The following TSKU variants were observed in gnomAD, a reference collection of about 807,000 sequenced individuals.
TSKU encodes the protein tsukushi, small leucine rich proteoglycan.
Under a neutral mutation model 11.2 loss-of-function variants are expected in TSKU, and 4 were observed. The observed-to-expected ratio is 0.36, with a 90% CI of 0.18 to 0.82. The LOEUF (loss-of-function observed/expected upper bound fraction) is 0.82, where lower values mean the gene tolerates loss of function less well. Among genes scored for constraint, TSKU ranks in the 40% least tolerant of loss-of-function variants. The probability of loss-of-function intolerance (pLI) is 0.50; values close to 1 mark genes in which losing one functional copy is unlikely to be tolerated. For synonymous variants in TSKU, 220 were observed against 232.2 expected (o/e 0.95, Z 0.48); for missense variants, 407 against 482.5 (o/e 0.84, Z 1.47).
chr11:76,788,753 C>T (rs985891726), intron 1 of TSKU, among the ~76,000 whole-genome samples: 1 of 152,174 alleles, frequency 6.6e-6, no homozygotes, highest in Non-Finnish European at 1.5e-5. Flanking sequence ...GCGGTTGACC[C>T]GTTCATCCTG....
chr11:76,784,413 G>A (rs1396016053), intron 1 of TSKU: 2 of 152,362 alleles, frequency 1.3e-5, no homozygotes, highest in Non-Finnish European at 1.5e-5. Flanking sequence ...TGCCCGAGGC[G>A]CCGGCTCACA....
chr11:76,785,154 G>C (rs1419929857), intron 1 of TSKU, among the ~76,000 whole-genome samples: 2 of 152,212 alleles, frequency 1.3e-5, no homozygotes, highest in African/African-American at 4.8e-5. Flanking sequence ...CCAACACCAG[G>C]AAAGGCAAAA....
intron 1 of TSKU, among the ~76,000 whole-genome samples, chr11:76,786,957 G>A (rs1162640633): frequency 6.6e-6 from 1 of 152,196 alleles, no homozygotes; most frequent in East Asian, 1.9e-4. Context: ...ATTTGCTGGT[G>A]TCACAGCACC....
intron 1 of TSKU, among the ~76,000 whole-genome samples, chr11:76,789,372 A>G (rs1159611415): frequency 6.6e-6 from 1 of 152,208 alleles, no homozygotes; most frequent in Non-Finnish European, 1.5e-5. Context: ...AGCAGAACCC[A>G]AGAGGTTTCT....
Position 76,796,696 on chromosome 11 carries a change from G to T in TSKU, c.*18G>T, listed in dbSNP as rs2134408680. The T allele has an allele frequency of 6.9e-7, 1 of 1,443,174 alleles. No homozygotes were observed. The highest frequency in any genetic ancestry group is 1.5e-5 in the South Asian group (1 of 66,626). The allele number at this position is 1,443,174 out of a possible 1,614,324, so 89.4% of individuals were successfully genotyped here. ...TCTTGTGACAAATGGTGTGGCCCAG[G>T]GCCACATAACAGACTGCTGTCCTGG... On this transcript the variant is annotated 3_prime_UTR_variant, in exon 2 of 2. Coordinates refer to ENST00000333090, the MANE Select transcript of TSKU (RefSeq NM_015516.4). The surrounding 1 kb of genome is among the most constrained non-coding windows in gnomAD (Gnocchi z 4.1).
upstream of TSKU, chr11:76,782,736 C>T (rs1184873881): frequency 6.6e-6 from 1 of 152,140 alleles, no homozygotes; most frequent in African/African-American, 2.4e-5. Flanking sequence ...TCTCTCCTCT[C>T]CTGCCAGCTT....
In TSKU at chr11:76,793,949, T is replaced by TCCCA. The variant is rs1214487358; in HGVS notation, c.-8-1653_-8-1650dup. On this transcript the variant is annotated intron_variant, in intron 1 of 1. Coordinates refer to ENST00000333090, the MANE Select transcript of TSKU (RefSeq NM_015516.4). ...CTGGTAATGCAATCCTGCTGCTCCCTCCCACCCACCTTCCAGTCTGGAAGG... is the reference window on the plus strand; with the variant it reads ...CTGGTAATGCAATCCTGCTGCTCCCTCCCACCCACCCACCTTCCAGTCTGGAAGG... Among the ~76,000 whole-genome samples, 5 of 152,158 alleles carry TCCCA rather than the reference T, an allele frequency of 3.3e-5. No individual in the cohort carries two copies. The East Asian group carries it at 9.7e-4, about 30-fold the overall frequency.
At chr11:76,791,082 A>C (rs1168365417) in intron 1 of TSKU, among the ~76,000 whole-genome samples, 1 of 152,196 alleles carries the variant, frequency 6.6e-6, no homozygotes, top group Non-Finnish European at 1.5e-5. Context: ...GTTTTAGCAA[A>C]GAGATGGCAG....
chr11:76,789,284 C>CAGGT (rs1944341707), intron 1 of TSKU, among the ~76,000 whole-genome samples: 1 of 152,156 alleles, frequency 6.6e-6, no homozygotes. Flanking sequence ...GGGCTGGGGA[C>CAGGT]AGGTGGGAGG....
chr11:76,796,313 C>CA lies in TSKU; in HGVS notation c.698dup (p.His233GlnfsTer12). On this transcript the variant is annotated frameshift_variant, in exon 2 of 2. Transcript: ENST00000333090. LOFTEE classifies it high-confidence loss of function. This position sits in a 1 kb window ranked among gnomAD's most constrained non-coding sequence, Gnocchi z 4.1. ...CTTCGCGGGGCTGGGAGGCCTTACA[C>CA]ACCTGTCTCTGGCCAGCCTGCAGAG... 1 of 1,613,346 alleles carries CA rather than the reference C, an allele frequency of 6.2e-7. No individual in the cohort carries two copies.
intron 1 of TSKU, among the ~76,000 whole-genome samples, chr11:76,786,262 A>T (rs1318360336): frequency 1.3e-5 from 2 of 152,262 alleles, no homozygotes; most frequent in African/African-American, 4.8e-5. Context: ...AGATGGCCAC[A>T]GAAGTGGGCC....
At position 76,796,217 on chromosome 11, in the gene TSKU, A is replaced by G. The variant is rs1475842321; in HGVS notation, c.601A>G (p.Asn201Asp). The change falls in exon 2 of 2, where the codon AAC becomes GAC. Residue 201 changes from asparagine to aspartate, a missense_variant. Transcript: ENST00000333090. The surrounding 1 kb of genome is among the most constrained non-coding windows in gnomAD (Gnocchi z 4.1). ...CTGGAACCGGCTCCATGCCGTGCCC[A>G]ACCTCCGAGACTTGCCCCTGCGCTA... ...LAWNRLHAVPNLRDLPLRYLS... is the reference protein window; with the variant it reads ...LAWNRLHAVPDLRDLPLRYLS... The G allele has an allele frequency of 6.2e-7, 1 of 1,613,228 alleles. No homozygotes were observed. The highest frequency in any genetic ancestry group is 1.3e-5 in the African/African-American group (1 of 74,806).
chr11:76,784,085 G>A (rs1440979), intron 1 of TSKU: 41,386 of 152,308 alleles, frequency 0.27, 6,153 homozygotes, highest in African/African-American at 0.39. Flanking sequence ...TGGTGGTCGG[G>A]GGATCGGCAG....
chr11:76,788,745 G>A (rs954062665), intron 1 of TSKU, among the ~76,000 whole-genome samples: 6 of 152,188 alleles, frequency 3.9e-5, no homozygotes, highest in African/African-American at 1.2e-4. Flanking sequence ...TGGGTCTTGC[G>A]GTTGACCCGT....
Position 76,796,619 on chromosome 11 carries a change from G to T in TSKU, c.1003G>T (p.Val335Leu), listed in dbSNP as rs771653839. 8.7e-6 allele frequency: 13 copies of T among 1,488,202 alleles called. No homozygotes were observed. In the Admixed American group the frequency reaches 2.7e-4, roughly 31 times the overall value. The allele number at this position is 1,488,202 out of a possible 1,614,324, so 92.2% of individuals were successfully genotyped here. A position where few individuals can be genotyped will look rare whatever the true frequency, so the allele number is the denominator to read the frequency against. The change falls in exon 2 of 2, where the codon GTG becomes TTG. Residue 335 changes from valine (V) to leucine (L), a missense_variant. Val to Leu is a conservative substitution (Grantham distance 32, BLOSUM62 1). Transcript: ENST00000333090. The surrounding 1 kb of genome is among the most constrained non-coding windows in gnomAD (Gnocchi z 4.1). ...YPRRPGSSPKVALHCVDTRDS... is the reference protein window; with the variant it reads ...YPRRPGSSPKLALHCVDTRDS... Reference sequence around the variant, plus strand: ...CCGGAGGCCTGGCTCCAGCCCCAAGGTGGCCCTGCACTGCGTAGACACCCG... The same window carrying T: ...CCGGAGGCCTGGCTCCAGCCCCAAGTTGGCCCTGCACTGCGTAGACACCCG...
chr11:76,795,447 GAGA>G (rs1565128793), intron 1 of TSKU, among the ~76,000 whole-genome samples, 159 bp from the exon 2 acceptor site: 1 of 152,252 alleles, frequency 6.6e-6, no homozygotes, highest in African/African-American at 2.4e-5. Context: ...GCAGAGGCCA[GAGA>G]AGAACTGGGA....
Position 76,795,867 on chromosome 11 carries a change from C to T in TSKU, c.251C>T (p.Thr84Met), listed in dbSNP as rs989267290. The change falls in exon 2 of 2, where the codon ACG becomes ATG. Residue 84 changes from threonine (T) to methionine (M), a missense_variant. Physicochemically the swap from Thr to Met is moderately conservative, Grantham distance 81. Coordinates refer to ENST00000333090, the MANE Select transcript of TSKU (RefSeq NM_015516.4). ...NESVLAGPGY[T>M]TLAGLDLSHN... is the part of the protein sequence containing the mutation. Reference sequence around the variant, plus strand: ...TCGGTGTTGGCGGGGCCGGGCTACACGACGTTGGCTGGCCTGGATCTCAGC... The same window carrying T: ...TCGGTGTTGGCGGGGCCGGGCTACATGACGTTGGCTGGCCTGGATCTCAGC... 43 of 1,613,768 alleles carry T rather than the reference C, an allele frequency of 2.7e-5. No homozygotes were observed. The highest frequency in any genetic ancestry group is 2.9e-5 in the Non-Finnish European group (34 of 1,180,042).
At chr11:76,790,245 G>T (rs567270826) in intron 1 of TSKU, among the ~76,000 whole-genome samples, 27 of 152,234 alleles carry the variant, frequency 1.8e-4, no homozygotes, top group African/African-American at 6.3e-4. Context: ...GGCAGAGCAG[G>T]CACTGAGACC....
Position 76,796,516 on chromosome 11 carries a change from C to T in TSKU, c.900C>T (p.Leu300=). The change falls in exon 2 of 2, where the codon CTC becomes CTT. Residue 300 remains leucine, a synonymous_variant. Coordinates refer to ENST00000333090, the MANE Select transcript of TSKU (RefSeq NM_015516.4). This position sits in a 1 kb window ranked among gnomAD's most constrained non-coding sequence, Gnocchi z 4.1. ...NLVPLPEALL[L]HLPALQSVSV... The stretch of plus-strand genomic sequence containing the variant: ...TGCCCCTGCCTGAGGCGCTGCTCCT[C>T]CACCTCCCGGCACTGCAGAGCGTCA... 6.2e-7 allele frequency: 1 copy of T among 1,611,752 alleles called. No individual in the cohort carries two copies. The highest frequency in any genetic ancestry group is 1.1e-5 in the South Asian group (1 of 90,994).
Sources: allele counts gnomAD v4.1 joint callset (sites outside exome capture counted in the v4.1 genomes callset), GRCh38; gene constraint gnomAD v4.1.1; non-coding constraint Gnocchi (gnomAD v3.1); transcripts MANE v1.5; gene names NCBI Gene and HGNC (gene_info 2026-07-23, HGNC 2026-07-21).